RBFOX1: variants seen among roughly 807,000 people sequenced by gnomAD.
RBFOX1 encodes the protein RNA binding fox-1 homolog 1, also known as RNA binding protein fox-1 homolog 1.
RBFOX1 carries 8 observed loss-of-function variants against 57.7 expected under a neutral mutation model. The ratio of observed to expected loss-of-function variants is 0.14; its 90% confidence interval spans 0.08 to 0.25. The LOEUF is 0.25. RBFOX1 is among the 10% of genes least tolerant of loss of function. The pLI is 1.00. For synonymous variants in RBFOX1, 326 were observed against 222.4 expected, an observed-to-expected ratio of 1.47 and a Z score of -4.15; for missense variants, 611 against 548.5, an observed-to-expected ratio of 1.11 and a Z score of -1.14.
At chr16:7,145,942 G>A (rs538517187) in intron 4 of RBFOX1, among the ~76,000 whole-genome samples, 1 of 152,210 alleles carries the variant, frequency 6.6e-6, no homozygotes, top group East Asian at 1.9e-4. Context: ...GTGGACAGGT[G>A]CACCCTCCTT....
chr16:5,905,302 C>T (rs1423419790), intron 4 of RBFOX1, among the ~76,000 whole-genome samples: 1 of 151,840 alleles, frequency 6.6e-6, no homozygotes, highest in Admixed American at 6.6e-5. Flanking sequence ...ATCCACCCGC[C>T]TCGGCCTCCC....
chr16:5,925,835 T>G (rs1389358380), intron 4 of RBFOX1, among the ~76,000 whole-genome samples: 9 of 152,152 alleles, frequency 5.9e-5, no homozygotes, highest in Non-Finnish European at 1.3e-4. Flanking sequence ...AACCTCCAAA[T>G]AACTACCTGG....
At chr16:7,636,064 C>T (rs1568211685) in intron 11 of RBFOX1, among the ~76,000 whole-genome samples, 1 of 152,256 alleles carries the variant, frequency 6.6e-6, no homozygotes, top group East Asian at 1.9e-4. Context: ...CCCGCCTTGG[C>T]CGCCCACAGT....
At chr16:5,294,123 G>C (rs948120047) in intron 1 of RBFOX1, among the ~76,000 whole-genome samples, 1 of 152,136 alleles carries the variant, frequency 6.6e-6, no homozygotes, top group African/African-American at 2.4e-5. Flanking sequence ...CAGCTACTCG[G>C]GAGGCTGAGG....
intron 2 of RBFOX1, among the ~76,000 whole-genome samples, chr16:6,610,133 T>C (rs1448375902): frequency 6.6e-6 from 1 of 152,214 alleles, no homozygotes; most frequent in Non-Finnish European, 1.5e-5. Flanking sequence ...GTGTGTTTCA[T>C]GGACCTCACG....
chr16:7,605,643 G>T (rs939624987), intron 9 of RBFOX1, among the ~76,000 whole-genome samples: 28 of 152,294 alleles, frequency 1.8e-4, no homozygotes, highest in Admixed American at 1.8e-3. Flanking sequence ...GCTATTCTTA[G>T]TTCGGGCAGA....
intron 4 of RBFOX1, among the ~76,000 whole-genome samples, chr16:7,197,998 CT>C (rs945404947): frequency 2.3e-3 from 127 of 55,596 alleles, no homozygotes; most frequent in Admixed American, 5.1e-3. Context: ...TTCTTTCTTT[CT>C]TTTTTTTTTT....
In RBFOX1 at chr16:7,120,838, C is replaced by CACACACACAGACACACACAT. The variant is rs2066991029; in HGVS notation, c.27+68749_27+68750insGACACACACATACACACACA. Among the ~76,000 whole-genome samples, 4 of 141,670 alleles carry CACACACACAGACACACACAT rather than the reference C, an allele frequency of 2.8e-5. No homozygotes were observed. In the East Asian group the frequency reaches 8.0e-4, roughly 28 times the overall value. 92.9% of individuals were successfully genotyped at this position (141,670 alleles called of 152,430 possible). On this transcript the variant is annotated intron_variant, in intron 4 of 15. Coordinates refer to ENST00000550418, the MANE Select transcript of RBFOX1 (RefSeq NM_018723.4). ...TTTTATATATGTATATATACACACA[C>CACACACACAGACACACACAT]ACACACACACACACACACACATACG...
chr16:7,468,927 C>T (rs967291080), intron 4 of RBFOX1, among the ~76,000 whole-genome samples: 4 of 151,888 alleles, frequency 2.6e-5, no homozygotes, highest in African/African-American at 9.7e-5. Flanking sequence ...ATGGTCCCAG[C>T]AAGGCTGAGT....
intron 2 of RBFOX1, among the ~76,000 whole-genome samples, chr16:5,483,554 C>G (rs2069620042): frequency 6.6e-6 from 1 of 152,218 alleles, no homozygotes. Flanking sequence ...ATCCCAGCCA[C>G]CGTAGCTGTC....
chr16:6,981,197 T>G (rs897768767), intron 3 of RBFOX1, among the ~76,000 whole-genome samples: 1 of 152,028 alleles, frequency 6.6e-6, no homozygotes, highest in Non-Finnish European at 1.5e-5. Context: ...GGGTTTGTGG[T>G]ACAGATTATT....
At position 7,568,882 on chromosome 16, in the gene RBFOX1, CAA is replaced by C. The variant is rs34858992; in HGVS notation, c.271-10872_271-10871del. On this transcript the variant is annotated intron_variant, in intron 5 of 15. Coordinates refer to ENST00000550418, the MANE Select transcript of RBFOX1 (RefSeq NM_018723.4). ...AGCCTGGGTGATAGAGACTCTGTCT[CAA>C]AAAAAAAAAAAAAAAAAAAAAAGAA... 6.7e-3 allele frequency among the ~76,000 whole-genome samples: 520 copies of C among 77,498 alleles called. 2 individuals carry two copies. Among genetic ancestry groups the C allele is most frequent in the African/African-American group, 0.024 (479 of 20,212 alleles). The allele number at this position is 77,498 out of a possible 152,430, so 50.8% of individuals were successfully genotyped here.
At chr16:7,392,475 G>A (rs1368236878) in intron 4 of RBFOX1, among the ~76,000 whole-genome samples, 3 of 152,138 alleles carry the variant, frequency 2.0e-5, no homozygotes, top group Non-Finnish European at 4.4e-5. Flanking sequence ...TAAAACCCAG[G>A]CACTCTTTAT....
At chr16:7,601,509 G>A (rs751160946) in intron 9 of RBFOX1, among the ~76,000 whole-genome samples, 31 of 152,138 alleles carry the variant, frequency 2.0e-4, no homozygotes, top group African/African-American at 7.2e-4. Context: ...GATGCTAAAA[G>A]GGGCTGAACA....
At chr16:7,404,476 C>G (rs1175762360) in intron 4 of RBFOX1, among the ~76,000 whole-genome samples, 1 of 152,170 alleles carries the variant, frequency 6.6e-6, no homozygotes, top group Non-Finnish European at 1.5e-5. Flanking sequence ...TTAACATTTT[C>G]TGGCAGGCAC....
chr16:5,783,598 A>G (rs576340361), intron 3 of RBFOX1, among the ~76,000 whole-genome samples: 20 of 152,318 alleles, frequency 1.3e-4, no homozygotes, highest in African/African-American at 4.8e-4. Flanking sequence ...ATATTTTAAC[A>G]TAATTGTTTT....
At chr16:7,453,657 C>T (rs983408744) in intron 4 of RBFOX1, among the ~76,000 whole-genome samples, 6 of 152,040 alleles carry the variant, frequency 3.9e-5, no homozygotes, top group African/African-American at 1.4e-4. Flanking sequence ...GTAAAACATC[C>T]ACTTCATGCC....
At chr16:6,693,996 C>A (rs1012348904) in intron 3 of RBFOX1, among the ~76,000 whole-genome samples, 1 of 152,182 alleles carries the variant, frequency 6.6e-6, no homozygotes, top group African/African-American at 2.4e-5. Context: ...ATAAAGATTA[C>A]TTTGTTACAA....
At chr16:6,217,459 G>A (rs2097343220) in intron 1 of RBFOX1, among the ~76,000 whole-genome samples, 1 of 152,042 alleles carries the variant, frequency 6.6e-6, no homozygotes. Flanking sequence ...GACCTTCCTG[G>A]GACTGAGCAC....
Sources: allele counts gnomAD v4.1 joint callset (sites outside exome capture counted in the v4.1 genomes callset), GRCh38; gene constraint gnomAD v4.1.1; transcripts MANE v1.5; gene names NCBI Gene and HGNC (gene_info 2026-07-23, HGNC 2026-07-21).